CYRIB: variants seen among roughly 807,000 people sequenced by gnomAD.
The protein encoded by CYRIB is CYFIP-related Rac1 interactor B.
In CYRIB, 8 loss-of-function variants were observed where a neutral mutation model predicts 44.2. The ratio of observed to expected loss-of-function variants is 0.18; its 90% CI spans 0.11 to 0.33. The LOEUF is 0.33. Ranked by LOEUF, CYRIB falls within the 10% of genes least tolerant of loss-of-function variation. The probability of loss-of-function intolerance (pLI) is 1.00; values close to 1 mark genes in which losing one functional copy is unlikely to be tolerated. For missense variants in CYRIB, 185 were observed against 382.8 expected, an observed-to-expected ratio of 0.48 and a Z score of 4.31; for synonymous variants, 131 against 127.2, an observed-to-expected ratio of 1.03 and a Z score of -0.20.
intron 1 of CYRIB, among the ~76,000 whole-genome samples, chr8:129,928,766 A>T (rs767446240): frequency 6.6e-6 from 1 of 152,166 alleles, no homozygotes; most frequent in South Asian, 2.1e-4. Context: ...ACTACCTCCC[A>T]CCCAGTAGAA....
chr8:129,900,687 G>T (rs1334955041), intron 2 of CYRIB, among the ~76,000 whole-genome samples: 1 of 151,974 alleles, frequency 6.6e-6, no homozygotes, highest in Non-Finnish European at 1.5e-5. Context: ...TTTTGGGAGG[G>T]TGTTTTTTTT....
intron 1 of CYRIB, among the ~76,000 whole-genome samples, chr8:129,935,273 G>A (rs2092587094): frequency 6.6e-6 from 1 of 152,218 alleles, no homozygotes; most frequent in Admixed American, 6.5e-5. Context: ...TGATTGGAAG[G>A]AATAAATATT....
At chr8:130,016,299 G>A (rs2097343700) in intron 1 of CYRIB, 71 bp downstream of exon 1, 1 of 147,154 alleles carries the variant, frequency 6.8e-6, no homozygotes, top group South Asian at 2.1e-4. Context: ...CCCTCTCCGG[G>A]GGCAAATCGG....
chr8:129,964,689 G>T (rs1467393428), intron 2 of CYRIB, among the ~76,000 whole-genome samples: 1 of 152,138 alleles, frequency 6.6e-6, no homozygotes, highest in Non-Finnish European at 1.5e-5. Context: ...TTCAAGACCA[G>T]CCTGGGCAAG....
intron 1 of CYRIB, among the ~76,000 whole-genome samples, chr8:130,002,173 A>T (rs2133935373): frequency 6.6e-6 from 1 of 152,354 alleles, no homozygotes; most frequent in South Asian, 2.1e-4. Flanking sequence ...AGAGAAGAAG[A>T]AAAGAGGCCA....
chr8:129,952,122 C>T lies in CYRIB; in HGVS notation c.-243+18821G>A, dbSNP rs1402074941. Among the ~76,000 whole-genome samples the T allele has an allele frequency of 3.3e-5, 5 of 152,212 alleles. No homozygotes were observed. The East Asian group carries it at 5.8e-4, about 18-fold the overall frequency. On this transcript the variant is annotated intron_variant, in intron 2 of 14. Coordinates refer to the CYRIB transcript ENST00000401979. ...GTGCAATGGTGCAATCTCGGCTTAC[C>T]GCAACCTCCACCTCCCAGGTTCAAG...
At chr8:129,943,431 A>C (rs950686151), upstream of CYRIB, among the ~76,000 whole-genome samples, 3 of 151,588 alleles carry the variant, frequency 2.0e-5, no homozygotes, top group African/African-American at 7.2e-5. Flanking sequence ...ACTGAAAAAA[A>C]AAAAGAAAGA....
At chr8:129,950,307 C>T (rs184323941) in intron 2 of CYRIB, among the ~76,000 whole-genome samples, 324 of 152,180 alleles carry the variant, frequency 2.1e-3, no homozygotes, top group Non-Finnish European at 3.8e-3. Flanking sequence ...CTGTGGCTCA[C>T]GCCTGTAATC....
upstream of CYRIB, among the ~76,000 whole-genome samples, chr8:129,943,055 C>G (rs2130932074): frequency 6.6e-6 from 1 of 151,892 alleles, no homozygotes; most frequent in South Asian, 2.1e-4. Context: ...ATCATTGATT[C>G]ACTCAATCAA....
chr8:129,906,784 T>C (rs1198269265), intron 1 of CYRIB, among the ~76,000 whole-genome samples: 1 of 152,056 alleles, frequency 6.6e-6, no homozygotes, highest in Non-Finnish European at 1.5e-5. Context: ...CATCAACAAG[T>C]GGGCGAAGGA....
intron 1 of CYRIB, among the ~76,000 whole-genome samples, chr8:129,936,999 G>A (rs943642586): frequency 2.6e-5 from 4 of 152,104 alleles, no homozygotes; most frequent in East Asian, 1.9e-4. Flanking sequence ...GAGCCACTGC[G>A]CCCAGCCAGC....
At chr8:129,973,296 G>A (rs999211452) in intron 1 of CYRIB, among the ~76,000 whole-genome samples, 1 of 152,226 alleles carries the variant, frequency 6.6e-6, no homozygotes, top group African/African-American at 2.4e-5. Context: ...AGTTAGAATT[G>A]GCCAGAGGCA....
At chr8:129,952,117 C>T (rs983925920) in intron 2 of CYRIB, among the ~76,000 whole-genome samples, 3 of 152,230 alleles carry the variant, frequency 2.0e-5, no homozygotes, top group African/African-American at 7.2e-5. Context: ...GCAATCTCGG[C>T]TTACCGCAAC....
intron 2 of CYRIB, among the ~76,000 whole-genome samples, chr8:129,950,515 A>G (rs754976604): frequency 6.6e-6 from 1 of 152,036 alleles, no homozygotes; most frequent in Non-Finnish European, 1.5e-5. Context: ...GGTTGCAGTG[A>G]GAAGAGATCA....
chr8:129,841,904 T>C (rs540784995), exon 12 of CYRIB: 18 of 421,204 alleles, frequency 4.3e-5, no homozygotes, highest in Middle Eastern at 1.3e-3. Flanking sequence ...ATGCAATGCA[T>C]AATTAGCTGC....
intron 1 of CYRIB, among the ~76,000 whole-genome samples, chr8:130,002,932 C>T (rs908656463): frequency 2.6e-5 from 4 of 152,168 alleles, no homozygotes; most frequent in African/African-American, 9.7e-5. Flanking sequence ...TTCATCTCTA[C>T]TAAAAATAAA....
chr8:129,845,867 G>C (rs1423394334), intron 11 of CYRIB, among the ~76,000 whole-genome samples: 2 of 152,202 alleles, frequency 1.3e-5, no homozygotes, highest in Admixed American at 1.3e-4. Flanking sequence ...TCTAGCAGCT[G>C]GGCACAGTGG....
intron 1 of CYRIB, among the ~76,000 whole-genome samples, chr8:129,983,655 C>G (rs149035390): frequency 0.014 from 2,148 of 152,302 alleles, 33 homozygotes; most frequent in Middle Eastern, 0.044. Context: ...CCAGGCCAGT[C>G]CCAGAGCAGG....
intron 1 of CYRIB, among the ~76,000 whole-genome samples, chr8:129,905,284 C>T (rs2074679018): frequency 3.9e-5 from 6 of 152,136 alleles, no homozygotes; most frequent in Admixed American, 3.9e-4. Context: ...GTGGCGCTAC[C>T]TCAGCTCACT....
Sources: gnomAD v4.1 joint callset for allele counts (sites outside exome capture counted in the v4.1 genomes callset) on GRCh38, gnomAD v4.1.1 for gene constraint, MANE v1.5 for transcripts, NCBI Gene and HGNC (gene_info 2026-07-23, HGNC 2026-07-21) for gene names.